ZMYM1: variants seen among roughly 807,000 people sequenced by gnomAD.
The protein encoded by ZMYM1 is zinc finger MYM-type protein 1.
A neutral mutation model predicts 60.0 loss-of-function variants in ZMYM1; 39 were observed. The observed-to-expected ratio is 0.65, with a 90% CI of 0.50 to 0.85. The LOEUF (loss-of-function observed/expected upper bound fraction) is 0.85. ZMYM1 is among the 40% of genes least tolerant of loss of function. The pLI is 0.00. For missense variants in ZMYM1, 1,171 were observed against 1,309.5 expected (o/e 0.89, Z 1.63); for synonymous variants, 413 against 454.0 (o/e 0.91, Z 1.15).
chr1:35,073,072 A>G (rs540370883), intron 1 of ZMYM1, among the ~76,000 whole-genome samples: 168 of 150,214 alleles, frequency 1.1e-3, no homozygotes, highest in Non-Finnish European at 2.2e-3. Context: ...ACAGAGTGAG[A>G]TTCCATCTCG....
chr1:35,071,241 G>T (rs1553136587), intron 1 of ZMYM1, among the ~76,000 whole-genome samples: 1 of 151,998 alleles, frequency 6.6e-6, no homozygotes, highest in Non-Finnish European at 1.5e-5. Flanking sequence ...AACCATACTT[G>T]CATCCCTAGG....
chr1:35,084,704 C>A (rs1326660253), intron 1 of ZMYM1, among the ~76,000 whole-genome samples: 1 of 152,192 alleles, frequency 6.6e-6, no homozygotes, highest in Non-Finnish European at 1.5e-5. Context: ...CTTATTAGCT[C>A]TTTGACGTTT....
rs1314038704 is a variant in ZMYM1 at position 35,086,855 on chromosome 1, T to G, written c.-74-7059T>G. On this transcript the variant is annotated intron_variant, in intron 1 of 9. Transcript: ENST00000359858. Reference sequence around the variant, plus strand: ...CACCACCACGCTTGGCTAATTTTTTTTGTATTTTTAGTAGAAACAGGGTTT... The same window carrying G: ...CACCACCACGCTTGGCTAATTTTTTGTGTATTTTTAGTAGAAACAGGGTTT... 2.0e-5 allele frequency among the ~76,000 whole-genome samples: 3 copies of G among 151,842 alleles called. No individual in the cohort carries two copies. The East Asian group carries it at 5.8e-4, about 29-fold the overall frequency.
chr1:35,103,351 T>C (rs961564475), intron 4 of ZMYM1, among the ~76,000 whole-genome samples: 4 of 152,204 alleles, frequency 2.6e-5, no homozygotes, highest in Admixed American at 6.5e-5. Context: ...TGGAATCATA[T>C]ATGACCTTTT....
intron 1 of ZMYM1, among the ~76,000 whole-genome samples, chr1:35,073,743 A>C (rs929729302): frequency 2.0e-5 from 3 of 151,970 alleles, no homozygotes; most frequent in African/African-American, 7.2e-5. Context: ...TTTTTGATCC[A>C]TTTTTTGGTA....
At chr1:35,083,180 G>T (rs1213492443) in intron 1 of ZMYM1, among the ~76,000 whole-genome samples, 1 of 149,064 alleles carries the variant, frequency 6.7e-6, no homozygotes, top group Admixed American at 6.6e-5. Context: ...TTAAGACAGG[G>T]TCTCACTGTC....
intron 1 of ZMYM1, among the ~76,000 whole-genome samples, chr1:35,085,298 C>T (rs1430831092): frequency 1.3e-5 from 2 of 152,142 alleles, no homozygotes; most frequent in Admixed American, 6.6e-5. Flanking sequence ...CCACCCGCCT[C>T]GGCCTCCTAA....
chr1:35,100,756 C>T (rs898347145), intron 4 of ZMYM1, among the ~76,000 whole-genome samples: 1 of 151,960 alleles, frequency 6.6e-6, no homozygotes, highest in Non-Finnish European at 1.5e-5. Flanking sequence ...TAGGCCCCTG[C>T]ACTAAGGTTT....
rs1054212571 is a variant in ZMYM1 at position 35,110,308 on chromosome 1, A to G, written c.822A>G (p.Pro274=). The G allele has an allele frequency of 1.4e-5, 22 of 1,538,438 alleles. No individual in the cohort carries two copies. The highest frequency in any genetic ancestry group is 3.5e-4 in the Middle Eastern group (2 of 5,778). ...TCTCTAAACAGAAACCTGCCAAACC[A>G]CTTATATCTGTTCCTTGCAAACCAT... ...ITAYKQKPAK[P]LISVPCKPLK... is the part of the protein sequence containing the mutation. The change falls in exon 7 of 10, where the codon CCA becomes CCG. Residue 274 remains proline (P), a synonymous_variant. Transcript: ENST00000359858.
chr1:35,088,434 G>GTATATATATATATATATATATATA (rs58346528), intron 1 of ZMYM1, among the ~76,000 whole-genome samples: 11 of 68,044 alleles, frequency 1.6e-4, no homozygotes, highest in African/African-American at 2.7e-4. Flanking sequence ...GTGTTTATGT[G>GTATATATATATATATATATATATA]TATATATATA....
chr1:35,100,440 C>T (rs1017639961), intron 4 of ZMYM1, among the ~76,000 whole-genome samples: 7 of 151,694 alleles, frequency 4.6e-5, no homozygotes, highest in Middle Eastern at 3.4e-3. Flanking sequence ...TAGCCAACAC[C>T]ACAAATCCCT....
At chr1:35,116,835 A>T (rs1192028038), downstream of ZMYM1, among the ~76,000 whole-genome samples, 34 of 88,960 alleles carry the variant, frequency 3.8e-4, no homozygotes, top group African/African-American at 5.5e-4. Flanking sequence ...TAGGCCTGGA[A>T]TTTTTTTTTT....
chr1:35,111,298 C>T (rs1290557798), intron 7 of ZMYM1, among the ~76,000 whole-genome samples: 1 of 152,146 alleles, frequency 6.6e-6, no homozygotes, highest in African/African-American at 2.4e-5. Context: ...CATAGAGTGA[C>T]TAATGCCTCT....
intron 9 of ZMYM1, 74 bp downstream of exon 9, chr1:35,112,204 G>A: frequency 2.0e-6 from 3 of 1,486,928 alleles, no homozygotes; most frequent in Non-Finnish European, 2.8e-6. Context: ...TTGAGACAGA[G>A]TCTCGCTCTG....
chr1:35,064,057 G>C lies in ZMYM1; in HGVS notation c.-301+4132G>C, dbSNP rs139371456. On this transcript the variant is annotated intron_variant, in intron 1 of 10. Transcript: ENST00000417119. ...AAAGAAAGTTTCAGCCGGGCACAGT[G>C]GCTCACGCCTGTAATCCCAGCACTT... Among the ~76,000 whole-genome samples the C allele has an allele frequency of 2.6e-3, 401 of 152,250 alleles. 11 individuals carry two copies. The East Asian group carries it at 0.064, about 24-fold the overall frequency.
chr1:35,110,488 A>C, intron 7 of ZMYM1, 41 bp downstream of exon 7: 1 of 1,288,716 alleles, frequency 7.8e-7, no homozygotes. Context: ...AGTAATTATT[A>C]ATAAATAATA....
Position 35,079,450 on chromosome 1 carries a change from T to C in ZMYM1, c.-75+8T>C, listed in dbSNP as rs1642247208. ...CGTCCCTGAGAGAAATTAGTAAGCC[T>C]CCTCATGCGGCTCTGGTTTCGGTCT... is the stretch of plus-strand genomic sequence containing the variant. On this transcript the variant is annotated splice_region_variant and intron_variant, in intron 1 of 9. Transcript: ENST00000359858. 1.3e-5 allele frequency: 2 copies of C among 152,058 alleles called. No homozygotes were observed. Among genetic ancestry groups the C allele is most frequent in the African/African-American group, 4.8e-5 (2 of 41,400 alleles). 9.4% of individuals were successfully genotyped at this position (152,058 alleles called of 1,614,324 possible). A position where few individuals can be genotyped will look rare whatever the true frequency, so the allele number is the denominator to read the frequency against.
At chr1:35,078,445 G>C (rs1219484426), upstream of ZMYM1, among the ~76,000 whole-genome samples, 1 of 148,680 alleles carries the variant, frequency 6.7e-6, no homozygotes, top group Non-Finnish European at 1.5e-5. Context: ...AGCACAGTTA[G>C]TTCGTCCTAT....
chr1:35,114,335 C>A lies in ZMYM1; in HGVS notation c.2505C>A (p.Ser835Arg). 6.2e-7 allele frequency: 1 copy of A among 1,612,626 alleles called. No homozygotes were observed. Among genetic ancestry groups the A allele is most frequent in the Non-Finnish European group, 8.5e-7 (1 of 1,179,550 alleles). The change falls in exon 10 of 10, where the codon AGC becomes AGA. Residue 835 changes from serine to arginine, a missense_variant. By Grantham distance (110) the Ser-to-Arg change is moderately radical. Coordinates refer to ENST00000359858, the MANE Select transcript of ZMYM1 (RefSeq NM_024772.5). Reference protein sequence around the residue: ...EIIETLEVIASHSSNTSFADE... With the variant: ...EIIETLEVIARHSSNTSFADE... ...TTGAAACATTGGAAGTTATAGCAAGCCATTCTTCAAATACAAGTTTCGCCG... is the reference window on the plus strand; with the variant it reads ...TTGAAACATTGGAAGTTATAGCAAGACATTCTTCAAATACAAGTTTCGCCG...
Sources: allele counts gnomAD v4.1 joint callset (sites outside exome capture counted in the v4.1 genomes callset), GRCh38; gene constraint gnomAD v4.1.1; transcripts MANE v1.5; gene names NCBI Gene and HGNC (gene_info 2026-07-23, HGNC 2026-07-21).